The following TAF6 variants were observed in gnomAD, a reference collection of about 807,000 sequenced individuals.
The protein encoded by TAF6 is transcription initiation factor TFIID subunit 6.
TAF6 carries 50 observed loss-of-function variants against 73.5 expected under a neutral mutation model. The observed-to-expected ratio is 0.68, with a 90% CI of 0.54 to 0.86. The LOEUF (loss-of-function observed/expected upper bound fraction) is 0.86, where lower values mean the gene tolerates loss of function less well. Among genes scored for constraint, TAF6 ranks in the 40% least tolerant of loss-of-function variants. TAF6 has a pLI of 0.00. For synonymous variants in TAF6, 424 were observed against 376.7 expected (o/e 1.13, Z -1.45); for missense variants, 768 against 899.5 (o/e 0.85, Z 1.87).
At position 100,111,832 on chromosome 7, in the gene TAF6, G is replaced by A. The variant is rs1797205952; in HGVS notation, c.799-3C>T. 2.5e-6 allele frequency: 4 copies of A among 1,614,126 alleles called. No homozygotes were observed. Among genetic ancestry groups the A allele is most frequent in the African/African-American group, 1.3e-5 (1 of 74,944 alleles). On this transcript the variant is annotated splice_polypyrimidine_tract_variant and splice_region_variant and intron_variant, in intron 8 of 14. Transcript: ENST00000453269. ...TTCTGAACCACGTTCACACGGACCT[G>A]TGGGAGGGAGAAGTGCTGGGCATGG...
intron 1 of TAF6, among the ~76,000 whole-genome samples, chr7:100,118,007 C>A (rs552314027): frequency 6.8e-6 from 1 of 146,772 alleles, no homozygotes; most frequent in Non-Finnish European, 1.5e-5. Flanking sequence ...GATCGCACCA[C>A]TGCACTCCAG....
intron 1 of TAF6, chr7:100,114,588 T>C: frequency 1.8e-6 from 1 of 555,602 alleles, no homozygotes; most frequent in Non-Finnish European, 3.2e-6. Flanking sequence ...GGCGTGGTAG[T>C]GCACACCTGT....
chr7:100,120,163 C>CA (rs774512221), upstream of TAF6: 8 of 278,656 alleles, frequency 2.9e-5, no homozygotes, highest in Non-Finnish European at 4.8e-5. Context: ...AGAGCATCTT[C>CA]AGTGAGTGTT....
Position 100,113,654 on chromosome 7 carries a change from G to T in TAF6, c.359C>A (p.Thr120Asn). The change falls in exon 4 of 15, where the codon ACC becomes AAC. Residue 120 changes from threonine to asparagine, a missense_variant. By Grantham distance (65) the Thr-to-Asn change is moderately conservative. Coordinates refer to ENST00000453269, the MANE Select transcript of TAF6 (RefSeq NM_139315.3). ...GTCCAGGGGCACCCGGGGCAGAGGG[G>T]TATTGATGATGTCGCTCAGATCAAC... Reference protein sequence around the residue: ...KEVDLSDIINTPLPRVPLDVC... With the variant: ...KEVDLSDIINNPLPRVPLDVC... 6.2e-7 allele frequency: 1 copy of T among 1,614,114 alleles called. No individual in the cohort carries two copies. The highest frequency in any genetic ancestry group is 8.5e-7 in the Non-Finnish European group (1 of 1,180,030).
chr7:100,126,201 G>C, the TAF6 span, among the ~76,000 whole-genome samples: 3 of 151,574 alleles, frequency 2.0e-5, no homozygotes, highest in Admixed American at 1.3e-4. Flanking sequence ...AAAAAGCCAC[G>C]CATGGTGGTG....
upstream of TAF6, chr7:100,120,058 G>A (rs1797984991): frequency 4.1e-6 from 2 of 485,814 alleles, no homozygotes; most frequent in South Asian, 6.7e-5. Flanking sequence ...TCCAGAGAGA[G>A]CCTGCATTTT....
At position 100,114,172 on chromosome 7, in the gene TAF6, A is replaced by G; in HGVS notation, c.38T>C (p.Val13Ala). The change falls in exon 2 of 15, where the codon GTG becomes GCG. Residue 13 changes from valine (V) to alanine (A), a missense_variant. Transcript: ENST00000453269. Reference sequence around the variant, plus strand: ...CACCTTCATGGACTCCGAGGGCAGCACAGTGTTGCTAAGCTTCAGCTTCTT... The same window carrying G: ...CACCTTCATGGACTCCGAGGGCAGCGCAGTGTTGCTAAGCTTCAGCTTCTT... Reference protein sequence around the residue: ...EEKKLKLSNTVLPSESMKVVA... With the variant: ...EEKKLKLSNTALPSESMKVVA... 2 of 1,614,236 alleles carry G rather than the reference A, an allele frequency of 1.2e-6. No individual in the cohort carries two copies. Among genetic ancestry groups the G allele is most frequent in the Non-Finnish European group, 1.7e-6 (2 of 1,180,044 alleles).
intron 1 of TAF6, chr7:100,118,897 GT>G (rs1216084608): frequency 2.0e-6 from 2 of 985,210 alleles, no homozygotes; most frequent in Middle Eastern, 5.2e-4. Flanking sequence ...CTGGCGCCGG[GT>G]TTACAAGAGG....
chr7:100,111,510 G>A (rs1393789452), intron 9 of TAF6, among the ~76,000 whole-genome samples, 189 bp from the exon 10 acceptor site: 1 of 152,142 alleles, frequency 6.6e-6, no homozygotes, highest in Non-Finnish European at 1.5e-5. Flanking sequence ...GCACCACCAT[G>A]CCTGGCTAAT....
At chr7:100,112,446 C>T (rs1324763932) in intron 6 of TAF6, among the ~76,000 whole-genome samples, 193 bp from the exon 7 acceptor site, 1 of 152,214 alleles carries the variant, frequency 6.6e-6, no homozygotes, top group Admixed American at 6.5e-5. Flanking sequence ...GGCATGGTGG[C>T]TCACACCTGT....
intron 1 of TAF6, among the ~76,000 whole-genome samples, chr7:100,115,910 G>A (rs1302290268): frequency 1.3e-5 from 2 of 152,090 alleles, no homozygotes; most frequent in Non-Finnish European, 2.9e-5. Flanking sequence ...AGTGGAGGTT[G>A]CAGTGAGCCA....
At chr7:100,119,876 G>A, upstream of TAF6, 1 of 1,605,148 alleles carries the variant, frequency 6.2e-7, no homozygotes, top group Middle Eastern at 1.7e-4. Flanking sequence ...TTTGAAGGGG[G>A]TAGCCCCTAT....
chr7:100,122,352 G>T, upstream of TAF6: 1 of 1,613,732 alleles, frequency 6.2e-7, no homozygotes, highest in Non-Finnish European at 8.5e-7. Context: ...CTGGATACAG[G>T]CAAGAGGAAG....
At position 100,109,842 on chromosome 7, in the gene TAF6, G is replaced by C. The variant is rs1457377648; in HGVS notation, c.1284+106C>G. On this transcript the variant is annotated intron_variant, in intron 12 of 14. Coordinates refer to ENST00000453269, the MANE Select transcript of TAF6 (RefSeq NM_139315.3). ...AGTATCAGACTCTGCAATGTCCTCT[G>C]AAAACATGAGGCAAAGATGGGAGTA... The C allele has an allele frequency of 1.4e-5, 22 of 1,518,532 alleles. No homozygotes were observed. The Admixed American group carries it at 3.6e-4, about 25-fold the overall frequency. 94.1% of individuals were successfully genotyped at this position (1,518,532 alleles called of 1,614,324 possible).
At chr7:100,126,626 C>G in the TAF6 span, 1 of 151,904 alleles carries the variant, frequency 6.6e-6, no homozygotes, top group Non-Finnish European at 1.5e-5. Context: ...TAGACCGTGT[C>G]TCCAAAAAAA....
chr7:100,113,710 G>A lies in TAF6; in HGVS notation c.303C>T (p.Gly101=). The A allele has an allele frequency of 6.2e-7, 1 of 1,614,040 alleles. No homozygotes were observed. The highest frequency in any genetic ancestry group is 2.2e-5 in the East Asian group (1 of 44,876). The part of the protein sequence containing the change: ...FIPFRFASGG[G]RELYFYEEKE... The stretch of plus-strand genomic sequence containing the variant: ...TCTCCTCATAGAAGTAAAGCTCCCG[G>A]CCCCCACCAGAGGCGAAGCGGAAAG... The change falls in exon 4 of 15, where the codon GGC becomes GGT. Residue 101 remains glycine (G), a synonymous_variant. Transcript: ENST00000453269.
upstream of TAF6, chr7:100,122,086 A>C: frequency 1.6e-6 from 1 of 629,344 alleles, no homozygotes. Context: ...ACCGAGGCAC[A>C]GCAAGCAGGA....
chr7:100,118,326 T>C (rs1274853720), intron 1 of TAF6: 3 of 143,410 alleles, frequency 2.1e-5, no homozygotes, highest in African/African-American at 5.3e-5. Context: ...CACTCCAGCC[T>C]GGGCGATAGA....
chr7:100,123,214 C>A (rs540730646), upstream of TAF6, among the ~76,000 whole-genome samples: 2 of 151,864 alleles, frequency 1.3e-5, no homozygotes, highest in African/African-American at 4.8e-5. Flanking sequence ...TGGTGGTGCA[C>A]GCCTGTGATC....
Sources: gnomAD v4.1 joint callset for allele counts (sites outside exome capture counted in the v4.1 genomes callset) on GRCh38, gnomAD v4.1.1 for gene constraint, MANE v1.5 for transcripts, NCBI Gene and HGNC (gene_info 2026-07-23, HGNC 2026-07-21) for gene names.